The following LRIF1 variants were observed in gnomAD, a reference collection of about 807,000 sequenced individuals.
The protein encoded by LRIF1 is ligand-dependent nuclear receptor-interacting factor 1.
A neutral mutation model predicts 52.7 loss-of-function variants in LRIF1; 32 were observed. The ratio of observed to expected loss-of-function variants is 0.61; its 90% CI spans 0.46 to 0.82. LRIF1 has a LOEUF of 0.82. Among genes scored for constraint, LRIF1 ranks in the 40% least tolerant of loss-of-function variants. LRIF1 has a pLI of 0.00. For synonymous variants in LRIF1, 323 were observed against 317.4 expected (o/e 1.02, Z -0.19); for missense variants, 887 against 892.0 (o/e 0.99, Z 0.07).
At position 110,952,039 on chromosome 1, in the gene LRIF1, T is replaced by G. The variant is rs1658501773; in HGVS notation, c.845A>C (p.Gln282Pro). The G allele has an allele frequency of 6.2e-7, 1 of 1,614,238 alleles. No homozygotes were observed. Among genetic ancestry groups the G allele is most frequent in the African/African-American group, 1.3e-5 (1 of 75,072 alleles). The change falls in exon 2 of 4, where the codon CAG (glutamine) becomes CCG (proline). Residue 282 changes from glutamine (Q) to proline (P), a missense_variant. Physicochemically the swap from Gln to Pro is moderately conservative, Grantham distance 76. Transcript: ENST00000369763. ...TTTCACTGGAGCAGCTTGAGAATGC[T>G]GACCACCTTTCAATTGTGTCTCTGT... The part of the protein sequence containing the change: ...VATETQLKGG[Q>P]HSQAAPVKWI...
chr1:110,961,859 C>T (rs9787258), intron 1 of LRIF1, among the ~76,000 whole-genome samples: 3 of 151,904 alleles, frequency 2.0e-5, no homozygotes, highest in South Asian at 2.1e-4. Context: ...AAGTAAATGT[C>T]GAAGCTTCAG....
At chr1:110,883,058 T>A in the LRIF1 span, among the ~76,000 whole-genome samples, 2 of 152,096 alleles carry the variant, frequency 1.3e-5, no homozygotes, top group Middle Eastern at 6.8e-3. Context: ...CTTTTCATAT[T>A]TCATTTGCAC....
At chr1:110,903,602 G>A in the LRIF1 span, among the ~76,000 whole-genome samples, 5 of 152,026 alleles carry the variant, frequency 3.3e-5, no homozygotes, top group African/African-American at 7.3e-5. Context: ...AAGCCCCTAG[G>A]CTCTGAATAA....
At chr1:110,932,726 T>C in the LRIF1 span, among the ~76,000 whole-genome samples, 2 of 152,208 alleles carry the variant, frequency 1.3e-5, no homozygotes, top group Admixed American at 6.5e-5. Context: ...AGTATCTTCT[T>C]TGGAGGCTAT....
Position 110,963,794 on chromosome 1 carries a change from CCCACA to C in LRIF1, c.-111_-107del. 2.3e-6 allele frequency: 2 copies of C among 871,860 alleles called. No individual in the cohort carries two copies. Among genetic ancestry groups the C allele is most frequent in the Non-Finnish European group, 3.6e-6 (2 of 548,152 alleles). 54.0% of individuals were successfully genotyped at this position (871,860 alleles called of 1,614,324 possible). A position where few individuals can be genotyped will look rare whatever the true frequency, so the allele number is the denominator to read the frequency against. On this transcript the variant is annotated 5_prime_UTR_variant, in exon 1 of 4. Transcript: ENST00000369763. ...GCGAGGGAATGTTGGGCTGGAGTTG[CCCACA>C]GCAACTGTGAGGGGTTCGACCTTAA...
chr1:110,890,367 G>A, the LRIF1 span, among the ~76,000 whole-genome samples: 54 of 152,242 alleles, frequency 3.5e-4, no homozygotes, highest in African/African-American at 9.9e-4. Flanking sequence ...AGAAGTTTGA[G>A]GCCAGACTAG....
chr1:110,883,312 G>A, the LRIF1 span, among the ~76,000 whole-genome samples: 6 of 151,926 alleles, frequency 3.9e-5, no homozygotes, highest in African/African-American at 1.4e-4. Context: ...CTATTGAGAT[G>A]ATAATTTATT....
rs528881107 is a variant in LRIF1, at chr1:110,956,779, G to A, written c.69-3964C>T. On this transcript the variant is annotated intron_variant, in intron 1 of 3. Coordinates refer to ENST00000369763, the MANE Select transcript of LRIF1 (RefSeq NM_018372.4). ...TGGTGAGCTAGATGGTGAACTAAGC[G>A]CCAAGTTCAGTGACAGGAAGTTGGT... 5.9e-5 allele frequency among the ~76,000 whole-genome samples: 9 copies of A among 152,258 alleles called. No homozygotes were observed. In the South Asian group the frequency reaches 1.2e-3, roughly 21 times the overall value.
At chr1:110,933,016 T>A in the LRIF1 span, among the ~76,000 whole-genome samples, 1 of 152,330 alleles carries the variant, frequency 6.6e-6, no homozygotes, top group South Asian at 2.1e-4. Context: ...TATATTTTAT[T>A]CTAGAGGTCA....
chr1:110,881,549 T>C, the LRIF1 span, among the ~76,000 whole-genome samples: 1 of 152,258 alleles, frequency 6.6e-6, no homozygotes, highest in East Asian at 1.9e-4. Flanking sequence ...TTACAAATAA[T>C]ACTACAAAAC....
At chr1:110,877,270 G>T in the LRIF1 span, among the ~76,000 whole-genome samples, 2 of 152,066 alleles carry the variant, frequency 1.3e-5, no homozygotes, top group East Asian at 1.9e-4. Flanking sequence ...TTAGATTCAG[G>T]TTATTTAAAT....
the LRIF1 span, among the ~76,000 whole-genome samples, chr1:110,891,185 C>A: frequency 2.0e-5 from 3 of 152,266 alleles, no homozygotes; most frequent in African/African-American, 7.2e-5. Context: ...GTTGGCTTGC[C>A]GAATTGGGCA....
At chr1:110,875,043 G>T in the LRIF1 span, among the ~76,000 whole-genome samples, 5 of 152,212 alleles carry the variant, frequency 3.3e-5, no homozygotes, top group African/African-American at 1.2e-4. Context: ...AATAGATGGA[G>T]AACGTGCACA....
the LRIF1 span, chr1:110,898,001 T>C: frequency 1.8e-6 from 1 of 559,908 alleles, no homozygotes; most frequent in Non-Finnish European, 3.1e-6. Flanking sequence ...TTAGCTATTT[T>C]TACTAATATA....
chr1:110,940,244 T>G, the LRIF1 span: 1 of 152,208 alleles, frequency 6.6e-6, no homozygotes, highest in African/African-American at 2.4e-5. Context: ...TCAACATCAC[T>G]GATCATCAGA....
the LRIF1 span, among the ~76,000 whole-genome samples, chr1:110,931,754 CAT>C: frequency 1.3e-5 from 2 of 152,122 alleles, no homozygotes; most frequent in Non-Finnish European, 1.5e-5. Flanking sequence ...AGCATTTTTT[CAT>C]ATGTTTGTTG....
chr1:110,951,471 A>C lies in LRIF1; in HGVS notation c.1413T>G (p.Thr471=). The C allele has an allele frequency of 6.2e-7, 1 of 1,614,100 alleles. No individual in the cohort carries two copies. The highest frequency in any genetic ancestry group is 8.5e-7 in the Non-Finnish European group (1 of 1,179,996). Residue 471 remains threonine, a synonymous_variant, in exon 2 of 4, where the codon ACT becomes ACG. Coordinates refer to ENST00000369763, the MANE Select transcript of LRIF1 (RefSeq NM_018372.4). The stretch of plus-strand genomic sequence containing the variant: ...CTGGAAAGATTGGATTTGTGAATAA[A>C]GTCTTACTCTGTTTTAAGTAGTTAC... ...QSSNYLKQSK[T]LFTNPIFPVG... is the part of the protein sequence containing the mutation.
At position 110,952,760 on chromosome 1, in the gene LRIF1, G is replaced by T; in HGVS notation, c.124C>A (p.Leu42Ile). 6.2e-7 allele frequency: 1 copy of T among 1,613,000 alleles called. No individual in the cohort carries two copies. Among genetic ancestry groups the T allele is most frequent in the Non-Finnish European group, 8.5e-7 (1 of 1,179,400 alleles). ...VQTIGSDGKNLLQLLPIPKSS... is the reference protein window; with the variant it reads ...VQTIGSDGKNILQLLPIPKSS... Reference sequence around the variant, plus strand: ...TTAGGAATTGGAAGTAATTGCAGAAGATTTTTTCCATCCGAGCCAATCGTC... The same window carrying T: ...TTAGGAATTGGAAGTAATTGCAGAATATTTTTTCCATCCGAGCCAATCGTC... Residue 42 changes from leucine to isoleucine, a missense_variant, in exon 2 of 4, where the codon CTT becomes ATT. Coordinates refer to ENST00000369763, the MANE Select transcript of LRIF1 (RefSeq NM_018372.4).
the LRIF1 span, among the ~76,000 whole-genome samples, chr1:110,909,366 C>A: frequency 6.6e-6 from 1 of 152,092 alleles, no homozygotes; most frequent in Non-Finnish European, 1.5e-5. Flanking sequence ...GAATAAAATT[C>A]TCACATATTA....
Sources: gnomAD v4.1 joint callset for allele counts (sites outside exome capture counted in the v4.1 genomes callset) on GRCh38, gnomAD v4.1.1 for gene constraint, MANE v1.5 for transcripts, NCBI Gene and HGNC (gene_info 2026-07-23, HGNC 2026-07-21) for gene names.